RPS6KC1: variants seen among roughly 807,000 people sequenced by gnomAD.
RPS6KC1 encodes the protein ribosomal protein S6 kinase C1.
Under a neutral mutation model 103.8 loss-of-function variants are expected in RPS6KC1, and 54 were observed. The ratio of observed to expected loss-of-function variants is 0.52; its 90% CI spans 0.42 to 0.65. The LOEUF (loss-of-function observed/expected upper bound fraction) is 0.65. Ranked by LOEUF, RPS6KC1 falls within the 30% of genes least tolerant of loss-of-function variation. The pLI is 0.00. For missense variants in RPS6KC1, 1,151 were observed against 1,253.8 expected, an observed-to-expected ratio of 0.92 and a Z score of 1.24; for synonymous variants, 439 against 438.7, an observed-to-expected ratio of 1.00 and a Z score of -0.01.
chr1:213,176,472 G>C lies in RPS6KC1; in HGVS notation c.1024G>C (p.Val342Leu). Residue 342 changes from valine (V) to leucine (L), a missense_variant, in exon 8 of 15, where the codon GTC becomes CTC. This residue lies in a region of RPS6KC1 where 959 missense variants were observed against 1,006.3 expected (regional missense o/e 0.95). Transcript: ENST00000366960. ...SPAEELKAFR[V>L]LGVIDKVLLV... The stretch of plus-strand genomic sequence containing the variant: ...TGCCGAGGAGCTGAAGGCCTTCAGA[G>C]TCCTTGGGGTGATTGACAAGGTAAT... The C allele has an allele frequency of 6.2e-7, 1 of 1,600,842 alleles. No individual in the cohort carries two copies. The highest frequency in any genetic ancestry group is 2.2e-5 in the East Asian group (1 of 44,662).
chr1:213,815,098 G>C, the RPS6KC1 span, among the ~76,000 whole-genome samples: 25 of 152,136 alleles, frequency 1.6e-4, no homozygotes, highest in Admixed American at 6.5e-4. Flanking sequence ...TGCTGTTCTC[G>C]TGATAGTGAG....
the RPS6KC1 span, among the ~76,000 whole-genome samples, chr1:213,658,693 G>A: frequency 6.6e-6 from 1 of 152,208 alleles, no homozygotes. Flanking sequence ...ATTCTGGATT[G>A]CATAAATAGA....
chr1:213,603,119 C>A, the RPS6KC1 span, among the ~76,000 whole-genome samples: 2 of 152,226 alleles, frequency 1.3e-5, no homozygotes, highest in Admixed American at 1.3e-4. Context: ...CCCAGTAGGG[C>A]AGATATTATT....
the RPS6KC1 span, among the ~76,000 whole-genome samples, chr1:213,566,759 C>G: frequency 6.6e-6 from 1 of 151,432 alleles, no homozygotes; most frequent in Non-Finnish European, 1.5e-5. Context: ...TCTAGAAATT[C>G]TCTTTAATTC....
chr1:213,740,565 G>T, the RPS6KC1 span, among the ~76,000 whole-genome samples: 1 of 151,582 alleles, frequency 6.6e-6, no homozygotes, highest in Non-Finnish European at 1.5e-5. Context: ...AGAGACCAGG[G>T]TCCTCAAAAT....
chr1:213,543,345 A>G, the RPS6KC1 span, among the ~76,000 whole-genome samples: 1 of 152,160 alleles, frequency 6.6e-6, no homozygotes, highest in South Asian at 2.1e-4. Context: ...ACAAAGGTAG[A>G]GGCAACAGGG....
At chr1:213,261,364 G>A (rs373951344) in intron 12 of RPS6KC1, among the ~76,000 whole-genome samples, 194 bp from the exon 13 acceptor site, 12 of 151,534 alleles carry the variant, frequency 7.9e-5, no homozygotes, top group African/African-American at 2.2e-4. Context: ...ATATATGACT[G>A]CATCAAAAAA....
chr1:213,129,883 G>C lies in RPS6KC1; in HGVS notation c.829G>C (p.Val277Leu). Residue 277 changes from valine to leucine, a missense_variant, in exon 6 of 15, where the codon GTT becomes CTT. Transcript: ENST00000366960. ...RKGVDLLLEG[V>L]QGESSPTRRE... The stretch of plus-strand genomic sequence containing the variant: ...GGGAGTTGATTTACTCCTAGAAGGT[G>C]TTCAAGGTATGGTTTTATGTATATT... The C allele has an allele frequency of 6.3e-7, 1 of 1,594,016 alleles. No homozygotes were observed. The highest frequency in any genetic ancestry group is 1.1e-5 in the South Asian group (1 of 87,556).
Position 213,142,745 on chromosome 1 carries a change from G to A in RPS6KC1, c.835+12856G>A, listed in dbSNP as rs1163787500. On this transcript the variant is annotated intron_variant, in intron 6 of 14. Coordinates refer to ENST00000366960, the MANE Select transcript of RPS6KC1 (RefSeq NM_012424.6). ...TTCCCTCTAACAGCAAAAAGATTGC[G>A]ACTTACTGAAGGCTCGGATGATCGT... is the stretch of plus-strand genomic sequence containing the variant. Among the ~76,000 whole-genome samples the A allele has an allele frequency of 2.6e-5, 4 of 152,010 alleles. No individual in the cohort carries two copies. In the East Asian group the frequency reaches 7.7e-4, roughly 29 times the overall value.
the RPS6KC1 span, among the ~76,000 whole-genome samples, chr1:213,418,002 C>G: frequency 6.6e-6 from 1 of 152,174 alleles, no homozygotes; most frequent in Non-Finnish European, 1.5e-5. Flanking sequence ...CACATGCTCT[C>G]TGACTGAGGG....
the RPS6KC1 span, among the ~76,000 whole-genome samples, chr1:213,754,113 CT>C: frequency 5.2e-4 from 79 of 152,322 alleles, no homozygotes; most frequent in Non-Finnish European, 3.1e-4. Context: ...TCAGCTCAGG[CT>C]GCGGAAACAA....
chr1:213,836,546 C>T, the RPS6KC1 span, among the ~76,000 whole-genome samples: 6 of 151,748 alleles, frequency 4.0e-5, no homozygotes, highest in African/African-American at 1.5e-4. Context: ...CCTTCCCTTA[C>T]ATCACTTTCT....
chr1:213,646,452 T>C, the RPS6KC1 span, among the ~76,000 whole-genome samples: 1 of 152,086 alleles, frequency 6.6e-6, no homozygotes, highest in Non-Finnish European at 1.5e-5. Flanking sequence ...TGGTGAAATT[T>C]TCAGACAGGG....
the RPS6KC1 span, among the ~76,000 whole-genome samples, chr1:213,450,183 G>T: frequency 2.0e-5 from 3 of 152,118 alleles, no homozygotes; most frequent in Non-Finnish European, 4.4e-5. Flanking sequence ...TATGTAGAAA[G>T]AACTCAATAT....
the RPS6KC1 span, among the ~76,000 whole-genome samples, chr1:213,367,719 A>G: frequency 6.6e-6 from 1 of 152,316 alleles, no homozygotes; most frequent in South Asian, 2.1e-4. Flanking sequence ...AGACAGCAGA[A>G]AAGCAGGGGT....
chr1:213,506,616 G>A, the RPS6KC1 span, among the ~76,000 whole-genome samples: 2 of 152,198 alleles, frequency 1.3e-5, no homozygotes, highest in South Asian at 2.1e-4. Flanking sequence ...GAATATAAAC[G>A]CCTCTCTGTT....
In RPS6KC1 at chr1:213,118,582, A is replaced by T. The variant is rs115833660; in HGVS notation, c.472+1172A>T. ...CACACTAACATAAATCTCTTGCAGT[A>T]AATTTCCATCGTGATTTGGTAAGAG... On this transcript the variant is annotated intron_variant, in intron 5 of 14. Coordinates refer to ENST00000366960, the MANE Select transcript of RPS6KC1 (RefSeq NM_012424.6). Among the ~76,000 whole-genome samples the T allele has an allele frequency of 3.1e-3, 477 of 152,176 alleles. 4 individuals carry two copies. The highest frequency in any genetic ancestry group is 0.011 in the African/African-American group (454 of 41,534).
chr1:213,290,435 C>T, the RPS6KC1 span, among the ~76,000 whole-genome samples: 8 of 152,164 alleles, frequency 5.3e-5, no homozygotes, highest in Non-Finnish European at 1.0e-4. Context: ...TTTTAAAAGG[C>T]GGGGAGGAAG....
the RPS6KC1 span, among the ~76,000 whole-genome samples, chr1:213,510,728 A>G: frequency 0.026 from 3,888 of 152,224 alleles, 133 homozygotes; most frequent in African/African-American, 0.078. Flanking sequence ...CTGAATTCGT[A>G]GGAGCCGCAG....
Sources: gnomAD v4.1 joint callset for allele counts (sites outside exome capture counted in the v4.1 genomes callset) on GRCh38, gnomAD v4.1.1 for gene constraint, gnomAD v4.1.1 regional missense constraint, MANE v1.5 for transcripts, NCBI Gene and HGNC (gene_info 2026-07-23, HGNC 2026-07-21) for gene names.